ZNF333: variants seen among roughly 807,000 people sequenced by gnomAD.
ZNF333 encodes zinc finger protein 333.
In ZNF333, 61 loss-of-function variants were observed where a neutral mutation model predicts 76.1. That is an observed-to-expected ratio of 0.80 (90% CI 0.65 to 0.99). The LOEUF is 0.99. ZNF333 is among the 50% of genes least tolerant of loss of function. The pLI is 0.00. For missense variants in ZNF333, 717 were observed against 822.4 expected, an observed-to-expected ratio of 0.87 and a Z score of 1.57; for synonymous variants, 284 against 305.0, an observed-to-expected ratio of 0.93 and a Z score of 0.72.
chr19:14,707,826 C>T (rs1353971029), intron 7 of ZNF333: 2 of 364,666 alleles, frequency 5.5e-6, no homozygotes, highest in Admixed American at 9.3e-5. Context: ...GCTGGGATTA[C>T]AGGCGTGAGC....
rs778820855 is a variant in ZNF333 at position 14,715,458 on chromosome 19, C to T, written c.588C>T (p.Thr196=). The T allele has an allele frequency of 2.0e-5, 32 of 1,613,868 alleles. No individual in the cohort carries two copies. Among genetic ancestry groups the T allele is most frequent in the East Asian group, 1.1e-4 (5 of 44,880 alleles). The change falls in exon 8 of 12, where the codon ACC becomes ACT. Residue 196 remains threonine (T), a synonymous_variant. Transcript: ENST00000292530. The part of the protein sequence containing the change: ...EEEAMAPGLP[T]ACSQEPVTFA... ...AAGCTATGGCTCCTGGGCTGCCAAC[C>T]GCCTGTTCACAGGTAGGTAAGAACT... is the stretch of plus-strand genomic sequence containing the variant.
chr19:14,710,760 A>G (rs1319308637), intron 7 of ZNF333, among the ~76,000 whole-genome samples: 1 of 152,234 alleles, frequency 6.6e-6, no homozygotes, highest in Non-Finnish European at 1.5e-5. Context: ...CCTGGGCGAC[A>G]GAGTGAGATT....
At chr19:14,691,246 ATAT>A (rs1290381608) in intron 1 of ZNF333, among the ~76,000 whole-genome samples, 1 of 152,208 alleles carries the variant, frequency 6.6e-6, no homozygotes, top group Admixed American at 6.5e-5. Context: ...TATTTCACAA[ATAT>A]TATTATCAAG....
chr19:14,705,952 C>T (rs540853801), intron 6 of ZNF333: 3 of 384,960 alleles, frequency 7.8e-6, no homozygotes, highest in Admixed American at 5.9e-5. Context: ...GTCCTGAGCC[C>T]TGCATGAGGA....
At chr19:14,710,594 A>G (rs2042246236) in intron 7 of ZNF333, among the ~76,000 whole-genome samples, 1 of 152,190 alleles carries the variant, frequency 6.6e-6, no homozygotes, top group African/African-American at 2.4e-5. Flanking sequence ...CCTGGCCAAC[A>G]TGGCGAAACC....
chr19:14,713,440 C>G (rs188890566), intron 7 of ZNF333, among the ~76,000 whole-genome samples: 42 of 152,044 alleles, frequency 2.8e-4, no homozygotes, highest in Non-Finnish European at 4.3e-4. Flanking sequence ...GTCTGGTGTT[C>G]AGATGTGAGA....
intron 7 of ZNF333, among the ~76,000 whole-genome samples, chr19:14,709,892 T>G (rs1168319134): frequency 6.6e-6 from 1 of 152,232 alleles, no homozygotes; most frequent in Non-Finnish European, 1.5e-5. Context: ...CACCAGACAT[T>G]GCCAAATGTC....
chr19:14,732,770 T>C (rs973413223), exon 12 of ZNF333: 1 of 152,240 alleles, frequency 6.6e-6, no homozygotes, highest in African/African-American at 2.4e-5. Flanking sequence ...TATAGCTGTT[T>C]TCATATCACA....
At position 14,695,700 on chromosome 19, in the gene ZNF333, G is replaced by C. The variant is rs770268369; in HGVS notation, c.223+39G>C. The stretch of plus-strand genomic sequence containing the variant: ...AGGCTGTGGATCCCCCGACCCCCCT[G>C]GTTGGGTGGTGTGCCTTGGGAAGTG... On this transcript the variant is annotated intron_variant, in intron 4 of 11. Coordinates refer to ENST00000292530, the MANE Select transcript of ZNF333 (RefSeq NM_032433.4). 2.8e-5 allele frequency: 44 copies of C among 1,590,468 alleles called. No individual in the cohort carries two copies. In the Admixed American group the frequency reaches 7.1e-4, roughly 26 times the overall value.
In ZNF333 at chr19:14,718,701, C is replaced by T; in HGVS notation, c.1374C>T (p.Ala458=). ...ACGAGTGTAAAGATTGTGGGAAAGC[C>T]TTCAATCAGCCATCATCCCTCAGGA... ...KPYECKDCGK[A]FNQPSSLRSH... Residue 458 remains alanine, a synonymous_variant, in exon 12 of 12, where the codon GCC becomes GCT. Coordinates refer to ENST00000292530, the MANE Select transcript of ZNF333 (RefSeq NM_032433.4). The T allele has an allele frequency of 6.2e-7, 1 of 1,614,040 alleles. No homozygotes were observed. Among genetic ancestry groups the T allele is most frequent in the Non-Finnish European group, 8.5e-7 (1 of 1,180,014 alleles).
Position 14,719,574 on chromosome 19 carries a change from C to T in ZNF333, c.*249C>T. The T allele has an allele frequency of 9.3e-7, 1 of 1,074,394 alleles. No homozygotes were observed. Among genetic ancestry groups the T allele is most frequent in the Admixed American group, 3.9e-5 (1 of 25,782 alleles). 66.6% of individuals were successfully genotyped at this position (1,074,394 alleles called of 1,614,324 possible). ...GTGAAATGCATACATCTGAAGTGTA[C>T]AGTTGGATGAGTTTGACAGATGCAT... On this transcript the variant is annotated 3_prime_UTR_variant, in exon 12 of 12. Transcript: ENST00000292530.
At chr19:14,725,600 C>G (rs1037211834), downstream of ZNF333, among the ~76,000 whole-genome samples, 1 of 152,130 alleles carries the variant, frequency 6.6e-6, no homozygotes, top group Non-Finnish European at 1.5e-5. Context: ...GTTAAACATT[C>G]TCATTTCAAA....
At chr19:14,691,310 C>T (rs1431094431) in intron 1 of ZNF333, among the ~76,000 whole-genome samples, 4 of 152,134 alleles carry the variant, frequency 2.6e-5, no homozygotes, top group Admixed American at 2.6e-4. Flanking sequence ...CAGTCCTTCC[C>T]CCAAGCATGT....
At chr19:14,699,465 C>CT (rs1231458230) in intron 5 of ZNF333, 184 bp downstream of exon 5, 30,774 of 416,670 alleles carry the variant, frequency 0.074, no homozygotes, top group Middle Eastern at 0.1. Context: ...TTGCTCAAGA[C>CT]TTTTTTTTTT....
intron 9 of ZNF333, 97 bp from the exon 10 acceptor site, chr19:14,716,897 T>A: frequency 9.0e-7 from 1 of 1,107,124 alleles, no homozygotes; most frequent in Non-Finnish European, 1.3e-6. Context: ...ATTTTGCCAC[T>A]CCCATCTCTA....
intron 7 of ZNF333, among the ~76,000 whole-genome samples, chr19:14,709,454 A>C (rs180862020): frequency 6.6e-6 from 1 of 152,334 alleles, no homozygotes; most frequent in Admixed American, 6.5e-5. Flanking sequence ...TTTTGAGGTA[A>C]TACAATTCAG....
chr19:14,715,171 G>T (rs375605549), intron 7 of ZNF333: 7 of 539,980 alleles, frequency 1.3e-5, no homozygotes, highest in Non-Finnish European at 2.4e-5. Flanking sequence ...GTGTATATGT[G>T]TGCATGTCTG....
intron 5 of ZNF333, chr19:14,701,966 ACT>A: frequency 1.1e-6 from 1 of 934,842 alleles, no homozygotes; most frequent in South Asian, 4.9e-5. Flanking sequence ...GTCAGGTTCT[ACT>A]GCCTGACGAT....
At chr19:14,715,331 G>A in intron 7 of ZNF333, 51 bp from the exon 8 acceptor site, 1 of 1,560,958 alleles carries the variant, frequency 6.4e-7, no homozygotes, top group Admixed American at 1.7e-5. Flanking sequence ...GCCTGTGAGT[G>A]TGCCCAGTAG....
Sources: gnomAD v4.1 joint callset for allele counts (sites outside exome capture counted in the v4.1 genomes callset) on GRCh38, gnomAD v4.1.1 for gene constraint, MANE v1.5 for transcripts, NCBI Gene and HGNC (gene_info 2026-07-23, HGNC 2026-07-21) for gene names.